The following DNAH8 variants were observed in gnomAD, a reference collection of about 807,000 sequenced individuals.
DNAH8 encodes dynein axonemal heavy chain 8, also known as axonemal beta dynein heavy chain 8.
Under a neutral mutation model 562.1 loss-of-function variants are expected in DNAH8, and 382 were observed. That is an observed-to-expected ratio of 0.68 (90% CI 0.63 to 0.74). The LOEUF (loss-of-function observed/expected upper bound fraction) is 0.74, where lower values mean the gene tolerates loss of function less well. Ranked by LOEUF, DNAH8 falls within the 30% of genes least tolerant of loss-of-function variation. The pLI, the probability that DNAH8 is intolerant of heterozygous loss-of-function variation, is 0.00. For synonymous variants in DNAH8, 1,881 were observed against 1,919.4 expected, an observed-to-expected ratio of 0.98 and a Z score of 0.52; for missense variants, 5,203 against 5,620.4, an observed-to-expected ratio of 0.93 and a Z score of 2.37.
chr6:38,839,374 TG>T (rs913308682), intron 33 of DNAH8, among the ~76,000 whole-genome samples: 1 of 151,876 alleles, frequency 6.6e-6, no homozygotes, highest in Non-Finnish European at 1.5e-5. Flanking sequence ...TTGTTTGTTT[TG>T]TTTTTTTTTT....
At chr6:38,778,637 T>C (rs1027956253) in intron 14 of DNAH8, among the ~76,000 whole-genome samples, 173 bp downstream of exon 14, 1 of 152,182 alleles carries the variant, frequency 6.6e-6, no homozygotes, top group Non-Finnish European at 1.5e-5. Context: ...AAATAAAGAA[T>C]GATATGTTCT....
At chr6:38,936,332 C>T (rs1782964841) in intron 77 of DNAH8, 1 of 152,138 alleles carries the variant, frequency 6.6e-6, no homozygotes, top group Non-Finnish European at 1.5e-5. Context: ...ATGGGAAAGA[C>T]AGGTTCTCCT....
At chr6:38,859,860 T>C (rs559878424) in intron 42 of DNAH8, among the ~76,000 whole-genome samples, 20 of 152,320 alleles carry the variant, frequency 1.3e-4, no homozygotes, top group African/African-American at 4.8e-4. Flanking sequence ...ATCCCTTTAG[T>C]GGCTTCCGAC....
chr6:38,757,886 T>C (rs1416091142), intron 10 of DNAH8, among the ~76,000 whole-genome samples: 1 of 152,212 alleles, frequency 6.6e-6, no homozygotes, highest in Non-Finnish European at 1.5e-5. Context: ...TCTATATCTC[T>C]GTTTTGGTGC....
intron 29 of DNAH8, among the ~76,000 whole-genome samples, chr6:38,827,497 T>C (rs967176423): frequency 2.0e-5 from 3 of 152,128 alleles, no homozygotes; most frequent in African/African-American, 7.2e-5. Flanking sequence ...CTACAATATC[T>C]GGGGAATTGA....
chr6:38,991,317 A>G (rs1221026836), intron 88 of DNAH8, among the ~76,000 whole-genome samples: 2 of 152,120 alleles, frequency 1.3e-5, no homozygotes, highest in African/African-American at 4.8e-5. Context: ...TTCCACCCCC[A>G]TGATGGAACC....
At chr6:38,982,912 T>C (rs553845724) in intron 86 of DNAH8, among the ~76,000 whole-genome samples, 8 of 152,196 alleles carry the variant, frequency 5.3e-5, no homozygotes, top group Non-Finnish European at 1.2e-4. Context: ...CATATGACAC[T>C]TTGCAGTTTT....
chr6:38,973,594 T>C, intron 83 of DNAH8, 67 bp from the exon 84 acceptor site: 1 of 1,351,088 alleles, frequency 7.4e-7, no homozygotes, highest in Non-Finnish European at 1.0e-6. Context: ...AAAGTGCACA[T>C]TTTGTTTTAT....
At position 39,030,127 on chromosome 6, in the gene DNAH8, T is replaced by C; in HGVS notation, c.13859T>C (p.Leu4620Pro). Residue 4620 changes from leucine (L) to proline (P), a missense_variant, in exon 93 of 93, where the codon CTC becomes CCC. Leu to Pro is a moderately conservative substitution (Grantham distance 98). Transcript: ENST00000327475. Reference sequence around the variant, plus strand: ...CAGGAAGGTGTGTATATTTATGGGCTCTACATGGATGGAGCAGCCTGGGAC... The same window carrying C: ...CAGGAAGGTGTGTATATTTATGGGCCCTACATGGATGGAGCAGCCTGGGAC... ...PPGEGVYIYGLYMDGAAWDRR... is the reference protein window; with the variant it reads ...PPGEGVYIYGPYMDGAAWDRR... 2 of 1,613,962 alleles carry C rather than the reference T, an allele frequency of 1.2e-6. No individual in the cohort carries two copies. The highest frequency in any genetic ancestry group is 8.5e-7 in the Non-Finnish European group (1 of 1,179,954).
intron 8 of DNAH8, among the ~76,000 whole-genome samples, chr6:38,747,562 T>C (rs992269339): frequency 2.0e-5 from 3 of 152,134 alleles, no homozygotes; most frequent in Non-Finnish European, 4.4e-5. Context: ...AATTTTTGTA[T>C]GTTTAGTAGA....
At position 38,924,062 on chromosome 6, in the gene DNAH8, A is replaced by G; in HGVS notation, c.10862A>G (p.Asn3621Ser). 1 of 1,614,004 alleles carries G rather than the reference A, an allele frequency of 6.2e-7. No homozygotes were observed. Among genetic ancestry groups the G allele is most frequent in the Non-Finnish European group, 8.5e-7 (1 of 1,179,902 alleles). The change falls in exon 73 of 93, where the codon AAC becomes AGC. Residue 3621 changes from asparagine to serine, a missense_variant. Coordinates refer to ENST00000327475, the MANE Select transcript of DNAH8 (RefSeq NM_001206927.2). Reference protein sequence around the residue: ...YLGPFNQIFRNYLLKDQWEME... With the variant: ...YLGPFNQIFRSYLLKDQWEME... The stretch of plus-strand genomic sequence containing the variant: ...GGTCCTTTCAATCAGATATTTAGGA[A>G]CTATTTGCTTAAAGATCAATGGGAA...
intron 82 of DNAH8, among the ~76,000 whole-genome samples, chr6:38,956,668 T>A (rs1359959590): frequency 6.6e-6 from 1 of 152,076 alleles, no homozygotes; most frequent in Non-Finnish European, 1.5e-5. Context: ...AGGCACATTG[T>A]CCCTAAAAAA....
At chr6:38,951,561 T>A in intron 82 of DNAH8, 41 bp downstream of exon 82, 1 of 1,549,412 alleles carries the variant, frequency 6.5e-7, no homozygotes. Context: ...CACTTCCATA[T>A]TTTTTTGCCC....
chr6:38,863,684 T>G (rs1776816548), intron 44 of DNAH8, among the ~76,000 whole-genome samples, 189 bp from the exon 45 acceptor site: 1 of 152,228 alleles, frequency 6.6e-6, no homozygotes, highest in South Asian at 2.1e-4. Flanking sequence ...ATTGTTTTGA[T>G]GAAAATATAC....
intron 86 of DNAH8, among the ~76,000 whole-genome samples, 174 bp from the exon 87 acceptor site, chr6:38,984,032 T>G (rs550010552): frequency 6.6e-6 from 1 of 152,298 alleles, no homozygotes; most frequent in South Asian, 2.1e-4. Flanking sequence ...CAAACTGTAG[T>G]GGTTCCAGCC....
At chr6:38,847,677 GT>G (rs1419561074) in intron 36 of DNAH8, among the ~76,000 whole-genome samples, 2 of 152,154 alleles carry the variant, frequency 1.3e-5, no homozygotes, top group Non-Finnish European at 2.9e-5. Context: ...ATCAGAAGAA[GT>G]TTGAAGATCC....
chr6:39,009,076 G>C, intron 89 of DNAH8, 106 bp downstream of exon 89: 2 of 739,934 alleles, frequency 2.7e-6, no homozygotes, highest in Non-Finnish European at 4.3e-6. Context: ...TGACTATGTG[G>C]CAGATTACCT....
chr6:38,731,132 C>A (rs1050569181), intron 4 of DNAH8, among the ~76,000 whole-genome samples: 2 of 152,162 alleles, frequency 1.3e-5, no homozygotes, highest in Non-Finnish European at 2.9e-5. Flanking sequence ...TGTGGATTTT[C>A]TGTCTCTCAC....
intron 82 of DNAH8, 134 bp downstream of exon 82, chr6:38,951,654 C>T (rs1761915675): frequency 4.1e-6 from 3 of 734,696 alleles, no homozygotes; most frequent in Admixed American, 2.6e-5. Context: ...ACTTATTCCT[C>T]TTTCATCCTT....
Sources: allele counts gnomAD v4.1 joint callset (sites outside exome capture counted in the v4.1 genomes callset), GRCh38; gene constraint gnomAD v4.1.1; transcripts MANE v1.5; gene names NCBI Gene and HGNC (gene_info 2026-07-23, HGNC 2026-07-21).